The following MAB21L3 variants were observed in gnomAD, a reference collection of about 807,000 sequenced individuals.
MAB21L3 encodes protein mab-21-like 3.
A neutral mutation model predicts 37.7 loss-of-function variants in MAB21L3; 36 were observed. The observed-to-expected ratio is 0.96, with a 90% CI of 0.73 to 1.26. The LOEUF (loss-of-function observed/expected upper bound fraction) is 1.26. MAB21L3 is among the 50% of genes most tolerant of loss of function. MAB21L3 has a pLI of 0.00. For missense variants in MAB21L3, 430 were observed against 447.3 expected, an observed-to-expected ratio of 0.96 and a Z score of 0.35; for synonymous variants, 186 against 176.8, an observed-to-expected ratio of 1.05 and a Z score of -0.41.
At chr1:116,116,367 G>C (rs1659587314) in intron 3 of MAB21L3, among the ~76,000 whole-genome samples, 1 of 152,170 alleles carries the variant, frequency 6.6e-6, no homozygotes, top group Non-Finnish European at 1.5e-5. Context: ...CCGCCACCTA[G>C]AGAAAGAGGC....
Position 116,137,732 on chromosome 1 carries a change from A to G in MAB21L3, c.*4367A>G. Among the ~76,000 whole-genome samples, 1 of 152,172 alleles carries G rather than the reference A, an allele frequency of 6.6e-6. No homozygotes were observed. The highest frequency in any genetic ancestry group is 1.9e-4 in the East Asian group (1 of 5,194). ...AGACTTGGAACCAACCCAAATATCC[A>G]ACAATGATAGAGTGGATTAAGAAAA... On this transcript the variant is annotated 3_prime_UTR_variant, in exon 8 of 8. Coordinates refer to ENST00000369500, the MANE Select transcript of MAB21L3 (RefSeq NM_152367.3).
intron 6 of MAB21L3, 107 bp downstream of exon 6, chr1:116,127,751 CTAGA>C: frequency 8.2e-7 from 1 of 1,222,746 alleles, no homozygotes; most frequent in African/African-American, 1.5e-5. Flanking sequence ...TGAGGTGTTA[CTAGA>C]TCAGCAGTTC....
chr1:116,129,741 T>A (rs1660015124), intron 7 of MAB21L3, among the ~76,000 whole-genome samples: 1 of 152,248 alleles, frequency 6.6e-6, no homozygotes, highest in Non-Finnish European at 1.5e-5. Context: ...AAATATTTGT[T>A]GAGCAAATGA....
At chr1:116,125,333 AT>A (rs1659872541) in intron 5 of MAB21L3, among the ~76,000 whole-genome samples, 1 of 152,358 alleles carries the variant, frequency 6.6e-6, no homozygotes, top group East Asian at 1.9e-4. Context: ...CTAGAAATAT[AT>A]TTCTACAAAT....
rs536201129 is a variant in MAB21L3, at chr1:116,118,674, A to C, written c.49-2258A>C. On this transcript the variant is annotated intron_variant, in intron 3 of 7. Coordinates refer to ENST00000369500, the MANE Select transcript of MAB21L3 (RefSeq NM_152367.3). ...CCTCTTCTAGGGCAATTGTGTTCTA[A>C]AAATATCACAGGAACAATTGCACAG... Among the ~76,000 whole-genome samples the C allele has an allele frequency of 1.2e-4, 19 of 152,330 alleles. No individual in the cohort carries two copies. In the South Asian group the frequency reaches 3.9e-3, roughly 32 times the overall value.
intron 7 of MAB21L3, 30 bp downstream of exon 7, chr1:116,128,369 A>AGG (rs113454074): frequency 6.3e-7 from 1 of 1,581,566 alleles, no homozygotes; most frequent in South Asian, 1.2e-5. Flanking sequence ...GAGAAGACCC[A>AGG]GGGGCAGCTT....
chr1:116,118,519 C>T (rs904433530), intron 3 of MAB21L3, among the ~76,000 whole-genome samples: 5 of 152,206 alleles, frequency 3.3e-5, no homozygotes, highest in African/African-American at 9.6e-5. Context: ...ATGCAGCAAT[C>T]CTATTCTAGC....
chr1:116,112,578 A>C lies in MAB21L3; in HGVS notation c.-38A>C. 1 of 1,574,780 alleles carries C rather than the reference A, an allele frequency of 6.4e-7. No homozygotes were observed. The highest frequency in any genetic ancestry group is 8.6e-7 in the Non-Finnish European group (1 of 1,162,438). ...CTCCATTGAGAAAAAAAAAAAAACC[A>C]GGAAGTTGCTGTTCTACTGAGGACT... On this transcript the variant is annotated 5_prime_UTR_variant, in exon 3 of 8. Coordinates refer to ENST00000369500, the MANE Select transcript of MAB21L3 (RefSeq NM_152367.3).
intron 4 of MAB21L3, among the ~76,000 whole-genome samples, chr1:116,121,805 G>A (rs200265601): frequency 6.6e-6 from 1 of 152,144 alleles, no homozygotes; most frequent in Non-Finnish European, 1.5e-5. Flanking sequence ...ACAGAGAAAC[G>A]ACCTTACTTA....
chr1:116,121,091 C>A lies in MAB21L3; in HGVS notation c.189+19C>A, dbSNP rs759129739. The A allele has an allele frequency of 1.5e-5, 24 of 1,608,036 alleles. No homozygotes were observed. Among genetic ancestry groups the A allele is most frequent in the Non-Finnish European group, 2.0e-5 (23 of 1,176,506 alleles). The stretch of plus-strand genomic sequence containing the variant: ...TATTAAGGTAAGCAAGTCTTGCTGT[C>A]TCTAAGTGCCACCAACAGAGCCAGG... On this transcript the variant is annotated intron_variant, in intron 4 of 7. Coordinates refer to ENST00000369500, the MANE Select transcript of MAB21L3 (RefSeq NM_152367.3).
chr1:116,118,257 C>T (rs1775701), intron 3 of MAB21L3, among the ~76,000 whole-genome samples: 5,985 of 152,122 alleles, frequency 0.039, 382 homozygotes, highest in African/African-American at 0.13. Context: ...TGGCACGTGC[C>T]TGTAGTCCCA....
In MAB21L3 at chr1:116,133,236, C is replaced by G; in HGVS notation, c.960C>G (p.Ser320Arg). 1 of 1,614,166 alleles carries G rather than the reference C, an allele frequency of 6.2e-7. No individual in the cohort carries two copies. Among genetic ancestry groups the G allele is most frequent in the Non-Finnish European group, 8.5e-7 (1 of 1,180,024 alleles). Residue 320 changes from serine (S) to arginine (R), a missense_variant, in exon 8 of 8, where the codon AGC becomes AGG. Coordinates refer to ENST00000369500, the MANE Select transcript of MAB21L3 (RefSeq NM_152367.3). ...RLVRKLHKCV[S>R]QHFLKHYFVR... Reference sequence around the variant, plus strand: ...TGAGGAAACTGCACAAGTGCGTGAGCCAGCACTTCCTGAAACACTATTTCG... The same window carrying G: ...TGAGGAAACTGCACAAGTGCGTGAGGCAGCACTTCCTGAAACACTATTTCG...
chr1:116,133,188 C>T lies in MAB21L3; in HGVS notation c.912C>T (p.Phe304=). ...KYPHFKDWQV[F]SKAFLRLVRK... ...CCCACTTTAAAGACTGGCAGGTCTT[C>T]AGCAAAGCATTTCTGCGCCTGGTGA... Residue 304 remains phenylalanine, a synonymous_variant, in exon 8 of 8, where the codon TTC becomes TTT. Coordinates refer to ENST00000369500, the MANE Select transcript of MAB21L3 (RefSeq NM_152367.3). The T allele has an allele frequency of 6.2e-7, 1 of 1,614,238 alleles. No homozygotes were observed. The highest frequency in any genetic ancestry group is 1.1e-5 in the South Asian group (1 of 91,076).
At chr1:116,117,162 CATATATATATATAT>C (rs35799148) in intron 3 of MAB21L3, among the ~76,000 whole-genome samples, 4 of 114,570 alleles carry the variant, frequency 3.5e-5, no homozygotes, top group East Asian at 5.5e-4. Context: ...AATATACATA[CATATATATATATAT>C]ATATATATAT....
In MAB21L3 at chr1:116,134,400, T is replaced by TAA. The variant is rs1660159843; in HGVS notation, c.*1037_*1038dup. ...GTGGAGACAAGAAATGAACGACAGA[T>TAA]AAACACGCACAGTTATTACAGATGG... On this transcript the variant is annotated 3_prime_UTR_variant, in exon 8 of 8. Coordinates refer to ENST00000369500, the MANE Select transcript of MAB21L3 (RefSeq NM_152367.3). 1 of 152,202 alleles carries TAA rather than the reference T, an allele frequency of 6.6e-6. No individual in the cohort carries two copies. The highest frequency in any genetic ancestry group is 2.1e-4 in the South Asian group (1 of 4,830). 9.4% of individuals were successfully genotyped at this position (152,202 alleles called of 1,614,324 possible). A position where few individuals can be genotyped will look rare whatever the true frequency, so the allele number is the denominator to read the frequency against.
At chr1:116,124,537 A>G (rs1044429168) in intron 5 of MAB21L3, among the ~76,000 whole-genome samples, 180 bp downstream of exon 5, 1 of 152,236 alleles carries the variant, frequency 6.6e-6, no homozygotes, top group African/African-American at 2.4e-5. Context: ...GTTGATGCAC[A>G]GAAGATTGGA....
At chr1:116,126,440 C>T (rs893816192) in intron 5 of MAB21L3, among the ~76,000 whole-genome samples, 2 of 152,158 alleles carry the variant, frequency 1.3e-5, no homozygotes, top group South Asian at 2.1e-4. Context: ...GTGGCTGTGA[C>T]GTGCTTTGAT....
intron 3 of MAB21L3, among the ~76,000 whole-genome samples, chr1:116,115,359 T>C (rs1570801287): frequency 6.6e-6 from 1 of 152,258 alleles, no homozygotes; most frequent in East Asian, 1.9e-4. Flanking sequence ...GGAAAGCCTA[T>C]GGTCTCGTGC....
At chr1:116,112,251 A>G (rs1400888485) in intron 2 of MAB21L3, among the ~76,000 whole-genome samples, 156 bp from the exon 3 acceptor site, 1 of 152,094 alleles carries the variant, frequency 6.6e-6, no homozygotes, top group African/African-American at 2.4e-5. Context: ...ACTTGGATGG[A>G]ACTTTTAAGT....
Sources: gnomAD v4.1 joint callset for allele counts (sites outside exome capture counted in the v4.1 genomes callset) on GRCh38, gnomAD v4.1.1 for gene constraint, MANE v1.5 for transcripts, NCBI Gene and HGNC (gene_info 2026-07-23, HGNC 2026-07-21) for gene names.